The following ZKSCAN2 variants were observed in gnomAD, a reference collection of about 807,000 sequenced individuals.
ZKSCAN2 encodes zinc finger protein with KRAB and SCAN domains 2.
Under a neutral mutation model 90.5 loss-of-function variants are expected in ZKSCAN2, and 38 were observed. The ratio of observed to expected loss-of-function variants is 0.42; its 90% CI spans 0.32 to 0.55. ZKSCAN2 has a LOEUF of 0.55. ZKSCAN2 is among the 20% of genes least tolerant of loss of function. The pLI is 0.11. For missense variants in ZKSCAN2, 1,167 were observed against 1,202.6 expected, an observed-to-expected ratio of 0.97 and a Z score of 0.44; for synonymous variants, 429 against 421.6, an observed-to-expected ratio of 1.02 and a Z score of -0.22.
chr16:25,242,769 C>A (rs1437250641), intron 6 of ZKSCAN2, among the ~76,000 whole-genome samples: 5 of 152,176 alleles, frequency 3.3e-5, no homozygotes, highest in Admixed American at 2.0e-4. Context: ...GAGCTCAGAT[C>A]AAAAATGGCT....
rs771688659 is a variant in ZKSCAN2 at position 25,255,374 on chromosome 16, G to A, written c.418C>T (p.Arg140Trp). 5.8e-5 allele frequency: 94 copies of A among 1,611,806 alleles called. 3 individuals are homozygous for A. Among genetic ancestry groups the A allele is most frequent in the South Asian group, 4.3e-4 (39 of 90,948 alleles). Reference sequence around the variant, plus strand: ...GCTCCAAGTGGGGAGTGCTTCTCCCGGTGCACGGGACTGCTGACCTGAGAA... The same window carrying A: ...GCTCCAAGTGGGGAGTGCTTCTCCCAGTGCACGGGACTGCTGACCTGAGAA... ...LRQQVSSPVHREKHSPLGAAW... is the reference protein window; with the variant it reads ...LRQQVSSPVHWEKHSPLGAAW... The change falls in exon 2 of 7, where the codon CGG becomes TGG. Residue 140 changes from arginine to tryptophan, a missense_variant. Arg to Trp is a moderately radical substitution (Grantham distance 101). Coordinates refer to ENST00000328086, the MANE Select transcript of ZKSCAN2 (RefSeq NM_001012981.5).
In ZKSCAN2 at chr16:25,243,811, G is replaced by A. The variant is rs1297749474; in HGVS notation, c.1955C>T (p.Pro652Leu). The change falls in exon 6 of 7, where the codon CCT (proline) becomes CTT (leucine). Residue 652 changes from proline to leucine, a missense_variant. Transcript: ENST00000328086. ...ATTTGGGCTCTGCAGTAGACCTGGA[G>A]GTCCCTGGAACTCTGGCTCTTGCAC... ...EIVQEPEFQG[P>L]PGLLQSPNDF... 9 of 1,613,676 alleles carry A rather than the reference G, an allele frequency of 5.6e-6. No homozygotes were observed. The highest frequency in any genetic ancestry group is 7.6e-6 in the Non-Finnish European group (9 of 1,179,830).
At position 25,238,743 on chromosome 16, in the gene ZKSCAN2, C is replaced by A. The variant is rs11645343; in HGVS notation, c.*1073G>T. ...GTCTAAGCTGAGGTGGCTATCTGAT[C>A]GACAGCAGGCCAAAGGAGTCCAACT... On this transcript the variant is annotated 3_prime_UTR_variant, in exon 7 of 7. Coordinates refer to ENST00000328086, the MANE Select transcript of ZKSCAN2 (RefSeq NM_001012981.5). The A allele has an allele frequency of 6.6e-6, 1 of 152,028 alleles. No individual in the cohort carries two copies. Among genetic ancestry groups the A allele is most frequent in the African/African-American group, 2.4e-5 (1 of 41,440 alleles). 9.4% of individuals were successfully genotyped at this position (152,028 alleles called of 1,614,324 possible).
At position 25,238,964 on chromosome 16, in the gene ZKSCAN2, T is replaced by A. The variant is rs1166132632; in HGVS notation, c.*852A>T. The A allele has an allele frequency of 6.6e-6, 1 of 152,540 alleles. No homozygotes were observed. Among genetic ancestry groups the A allele is most frequent in the African/African-American group, 2.4e-5 (1 of 41,438 alleles). The allele number at this position is 152,540 out of a possible 1,614,324, so 9.4% of individuals were successfully genotyped here. ...CATCTGAAATCCTACTTTGCTTTAG[T>A]GAGACACACCACGAGCAGGCCTCCT... On this transcript the variant is annotated 3_prime_UTR_variant, in exon 7 of 7. Coordinates refer to ENST00000328086, the MANE Select transcript of ZKSCAN2 (RefSeq NM_001012981.5).
rs764075345 is a variant in ZKSCAN2 at position 25,255,334 on chromosome 16, G to A, written c.458C>T (p.Ala153Val). ...CTCCACCTGCTCTGGCTGGAAGTCT[G>A]CCACCTCCCACGCTGCTCCAAGTGG... Reference protein sequence around the residue: ...HSPLGAAWEVADFQPEQVETQ... With the variant: ...HSPLGAAWEVVDFQPEQVETQ... Residue 153 changes from alanine (A) to valine (V), a missense_variant, in exon 2 of 7, where the codon GCA becomes GTA. By Grantham distance (64) the Ala-to-Val change is moderately conservative. Coordinates refer to ENST00000328086, the MANE Select transcript of ZKSCAN2 (RefSeq NM_001012981.5). 4 of 1,613,460 alleles carry A rather than the reference G, an allele frequency of 2.5e-6. No individual in the cohort carries two copies. The highest frequency in any genetic ancestry group is 2.2e-5 in the South Asian group (2 of 91,016).
Position 25,251,972 on chromosome 16 carries a change from G to A in ZKSCAN2, c.742C>T (p.Pro248Ser). 3.1e-6 allele frequency: 5 copies of A among 1,613,882 alleles called. No homozygotes were observed. The highest frequency in any genetic ancestry group is 1.3e-5 in the African/African-American group (1 of 74,938). ...FSYRKSVHQIPAQRDLYRDFR... is the reference protein window; with the variant it reads ...FSYRKSVHQISAQRDLYRDFR... Reference sequence around the variant, plus strand: ...TCCCGGTAGAGGTCCCTTTGGGCAGGAATCTGATGCACACTCTTTCTGTAG... The same window carrying A: ...TCCCGGTAGAGGTCCCTTTGGGCAGAAATCTGATGCACACTCTTTCTGTAG... The change falls in exon 4 of 7, where the codon CCT becomes TCT. Residue 248 changes from proline (P) to serine (S), a missense_variant. Physicochemically the swap from Pro to Ser is moderately conservative, Grantham distance 74 (BLOSUM62 -1). Coordinates refer to ENST00000328086, the MANE Select transcript of ZKSCAN2 (RefSeq NM_001012981.5).
At chr16:25,256,022 G>A (rs1963096825) in intron 1 of ZKSCAN2, among the ~76,000 whole-genome samples, 1 of 152,200 alleles carries the variant, frequency 6.6e-6, no homozygotes, top group Admixed American at 6.5e-5. Flanking sequence ...ATACAGTAGT[G>A]AAATGAAAAC....
At chr16:25,240,813 G>T in intron 6 of ZKSCAN2, 75 bp from the exon 7 acceptor site, 1 of 1,232,590 alleles carries the variant, frequency 8.1e-7, no homozygotes, top group Non-Finnish European at 1.2e-6. Context: ...TGCAAGGCTT[G>T]ATCCGCTTGC....
rs768685041 is a variant in ZKSCAN2 at position 25,246,796 on chromosome 16, G to T, written c.1400C>A (p.Ala467Glu). 1.9e-6 allele frequency: 3 copies of T among 1,614,174 alleles called. No individual in the cohort carries two copies. In the Admixed American group the frequency reaches 5.0e-5, roughly 27 times the overall value. The change falls in exon 5 of 7, where the codon GCA (alanine) becomes GAA (glutamate). Residue 467 changes from alanine to glutamate, a missense_variant. Ala to Glu is a moderately radical substitution (Grantham distance 107, BLOSUM62 -1). Coordinates refer to ENST00000328086, the MANE Select transcript of ZKSCAN2 (RefSeq NM_001012981.5). ...TATTTCATCATCATCAGAATCTTCT[G>T]CAGCTTCCTCCTCCTCCACCAAGCT... ...HISLVEEEEA[A>E]EDSDDDEIGI...
At chr16:25,243,673 A>T (rs767474728) in intron 6 of ZKSCAN2, 112 bp downstream of exon 6, 10 of 1,337,544 alleles carry the variant, frequency 7.5e-6, no homozygotes, top group African/African-American at 4.5e-5. Flanking sequence ...CAGGCACTCA[A>T]ATATTTCTTG....
chr16:25,249,686 A>T (rs745421919), intron 4 of ZKSCAN2, among the ~76,000 whole-genome samples: 1 of 152,246 alleles, frequency 6.6e-6, no homozygotes, highest in African/African-American at 2.4e-5. Context: ...TTATCTGTCA[A>T]TTAAAAAAAG....
rs747511930 is a variant in ZKSCAN2 at position 25,243,985 on chromosome 16, G to A, written c.1781C>T (p.Thr594Ile). The change falls in exon 6 of 7, where the codon ACC (threonine) becomes ATC (isoleucine). Residue 594 changes from threonine to isoleucine, a missense_variant. Coordinates refer to ENST00000328086, the MANE Select transcript of ZKSCAN2 (RefSeq NM_001012981.5). Reference sequence around the variant, plus strand: ...TGAAGGTGATGGGACTTCCTCTGGGGTGCTGGGGGAAGGAGCAGATGCCCG... The same window carrying A: ...TGAAGGTGATGGGACTTCCTCTGGGATGCTGGGGGAAGGAGCAGATGCCCG... Reference protein sequence around the residue: ...NSRASAPSPSTPEEVPSPSRQ... With the variant: ...NSRASAPSPSIPEEVPSPSRQ... 3 of 1,614,166 alleles carry A rather than the reference G, an allele frequency of 1.9e-6. No homozygotes were observed. Among genetic ancestry groups the A allele is most frequent in the Non-Finnish European group, 1.7e-6 (2 of 1,180,034 alleles).
In ZKSCAN2 at chr16:25,239,263, C is replaced by CAAA; in HGVS notation, c.*550_*552dup. 1.1e-5 allele frequency: 1 copy of CAAA among 88,050 alleles called. No homozygotes were observed. Among genetic ancestry groups the CAAA allele is most frequent in the Non-Finnish European group, 2.3e-5 (1 of 43,194 alleles). 5.5% of individuals were successfully genotyped at this position (88,050 alleles called of 1,614,324 possible). A position where few individuals can be genotyped will look rare whatever the true frequency, so the allele number is the denominator to read the frequency against. ...CTAGCTATTTGGATCAACTTCTTGA[C>CAAA]AAAAAAAAAAAAAAAGGTACACTGT... On this transcript the variant is annotated 3_prime_UTR_variant, in exon 7 of 7. Coordinates refer to ENST00000328086, the MANE Select transcript of ZKSCAN2 (RefSeq NM_001012981.5).
chr16:25,242,924 G>A (rs1430815169), intron 6 of ZKSCAN2, among the ~76,000 whole-genome samples: 2 of 152,374 alleles, frequency 1.3e-5, no homozygotes, highest in South Asian at 4.1e-4. Context: ...CTGGATGAGG[G>A]CGGGAGCCCA....
At chr16:25,253,711 T>C (rs1320906364) in intron 2 of ZKSCAN2, among the ~76,000 whole-genome samples, 1 of 152,180 alleles carries the variant, frequency 6.6e-6, no homozygotes, top group Non-Finnish European at 1.5e-5. Flanking sequence ...GCTATTTCCC[T>C]CTTAAAGATG....
chr16:25,241,523 T>C (rs996199181), intron 6 of ZKSCAN2, among the ~76,000 whole-genome samples: 4 of 152,176 alleles, frequency 2.6e-5, no homozygotes, highest in African/African-American at 9.7e-5. Flanking sequence ...ACAAACCACT[T>C]ACCTACATTT....
Position 25,237,265 on chromosome 16 carries a change from G to A in ZKSCAN2, c.*2551C>T, listed in dbSNP as rs1962783534. The A allele has an allele frequency of 6.6e-6, 1 of 152,216 alleles. No individual in the cohort carries two copies. The highest frequency in any genetic ancestry group is 1.5e-5 in the Non-Finnish European group (1 of 68,040). 9.4% of individuals were successfully genotyped at this position (152,216 alleles called of 1,614,324 possible). On this transcript the variant is annotated 3_prime_UTR_variant, in exon 7 of 7. Coordinates refer to ENST00000328086, the MANE Select transcript of ZKSCAN2 (RefSeq NM_001012981.5). ...AAAACAAATAAAATGCAGGGAGACA[G>A]GTAGTGTTGGTCTAAAATGGGGGGG...
chr16:25,240,868 A>T (rs1013824189), intron 6 of ZKSCAN2, 130 bp from the exon 7 acceptor site: 14 of 691,756 alleles, frequency 2.0e-5, no homozygotes, highest in Non-Finnish European at 2.9e-5. Context: ...CTCTTCCCTG[A>T]TTCATTCTGC....
Position 25,247,477 on chromosome 16 carries a change from C to T in ZKSCAN2, c.806-87G>A, listed in dbSNP as rs923086559. ...TCTGCTGTCACATGCTCTCCTGGGC[C>T]ACTTGTTCACACCCAAACCTTCCTC... is the stretch of plus-strand genomic sequence containing the variant. On this transcript the variant is annotated intron_variant, in intron 4 of 6. Transcript: ENST00000328086. 52 of 1,127,256 alleles carry T rather than the reference C, an allele frequency of 4.6e-5. No homozygotes were observed. In the African/African-American group the frequency reaches 7.5e-4, roughly 16 times the overall value. 69.8% of individuals were successfully genotyped at this position (1,127,256 alleles called of 1,614,324 possible).
Sources: gnomAD v4.1 joint callset for allele counts (sites outside exome capture counted in the v4.1 genomes callset) on GRCh38, gnomAD v4.1.1 for gene constraint, MANE v1.5 for transcripts, NCBI Gene and HGNC (gene_info 2026-07-23, HGNC 2026-07-21) for gene names.